The following DCAF8L2 variants were observed in gnomAD, a reference collection of about 807,000 sequenced individuals.
DCAF8L2 encodes the protein DDB1- and CUL4-associated factor 8-like protein 2.
For missense variants in DCAF8L2, 430 were observed against 490.7 expected (o/e 0.88, Z 1.17); for synonymous variants, 200 against 190.9 (o/e 1.05, Z -0.39).
At chrX:27,646,802 GA>G (rs1928957656) in intron 2 of DCAF8L2, among the ~76,000 whole-genome samples, 1 of 111,288 alleles carries the variant, frequency 9.0e-6, no homozygotes, top group Non-Finnish European at 1.9e-5. Flanking sequence ...CAACAAACAT[GA>G]AAAAAAGCTC....
At chrX:27,530,759 TTGAGG>T in the DCAF8L2 span, among the ~76,000 whole-genome samples, 2 of 112,018 alleles carry the variant, frequency 1.8e-5, no homozygotes, top group Non-Finnish European at 3.8e-5. Flanking sequence ...ACTCATTGAA[TTGAGG>T]TACGGTCATA....
intron 3 of DCAF8L2, among the ~76,000 whole-genome samples, chrX:27,705,671 T>C (rs889437335): frequency 8.9e-6 from 1 of 111,919 alleles, no homozygotes; most frequent in Non-Finnish European, 1.9e-5. Context: ...AAGTCCCTTA[T>C]AGATGCTGGA....
At position 27,748,228 on chromosome X, in the gene DCAF8L2, G is replaced by T; in HGVS notation, c.1333G>T (p.Asp445Tyr). 1 of 1,211,832 alleles carries T rather than the reference G, an allele frequency of 8.3e-7. No homozygotes were observed. Among genetic ancestry groups the T allele is most frequent in the Non-Finnish European group, 1.1e-6 (1 of 895,439 alleles). Residue 445 changes from aspartate to tyrosine, a missense_variant, in exon 5 of 5, where the codon GAT becomes TAT. Transcript: ENST00000451261. ...TELLASYNDDDIYLFNSSHSD... is the reference protein window; with the variant it reads ...TELLASYNDDYIYLFNSSHSD... ...GCTGCTAGCCAGCTACAATGATGAC[G>T]ATATTTACCTCTTCAACTCCTCTCA... is the stretch of plus-strand genomic sequence containing the variant.
At chrX:27,582,984 C>T in the DCAF8L2 span, among the ~76,000 whole-genome samples, 1 of 111,642 alleles carries the variant, frequency 9.0e-6, no homozygotes, top group Admixed American at 9.5e-5. Context: ...TTCTGTTTCT[C>T]ATCAAACTTC....
At chrX:27,635,830 T>TGTGTGTGTGTGA (rs1272411393) in intron 2 of DCAF8L2, among the ~76,000 whole-genome samples, 1 of 98,740 alleles carries the variant, frequency 1.0e-5, no homozygotes, top group Admixed American at 1.1e-4. Flanking sequence ...TGTGTGTGTG[T>TGTGTGTGTGTGA]GATGGAGTTT....
intron 1 of DCAF8L2, among the ~76,000 whole-genome samples, chrX:27,606,174 G>A (rs73530606): frequency 0.027 from 2,651 of 98,539 alleles, 109 homozygotes; most frequent in African/African-American, 0.096. Flanking sequence ...TGTGGAAGGC[G>A]GACCTTGAGA....
chrX:27,597,607 C>G (rs939416821), intron 1 of DCAF8L2, among the ~76,000 whole-genome samples: 11 of 111,765 alleles, frequency 9.8e-5, no homozygotes, highest in Non-Finnish European at 2.1e-4. Flanking sequence ...GTTTTCTCCT[C>G]CCATTTTCAT....
chrX:27,500,208 T>G, the DCAF8L2 span, among the ~76,000 whole-genome samples: 1 of 111,761 alleles, frequency 8.9e-6, no homozygotes. Context: ...TTAATTAAAA[T>G]AGTGTAATCC....
chrX:27,537,629 G>A, the DCAF8L2 span, among the ~76,000 whole-genome samples: 1 of 112,277 alleles, frequency 8.9e-6, no homozygotes, highest in Non-Finnish European at 1.9e-5. Context: ...TGTGGTAAAT[G>A]CACTGATGAA....
the DCAF8L2 span, among the ~76,000 whole-genome samples, chrX:27,479,850 C>T: frequency 8.9e-6 from 1 of 112,154 alleles, no homozygotes; most frequent in South Asian, 3.7e-4. Flanking sequence ...CTTGTGAAAA[C>T]AAAAATACAC....
chrX:27,502,333 AAAATATATATATATATATATATATATAT>A, the DCAF8L2 span, among the ~76,000 whole-genome samples: 1,712 of 23,342 alleles, frequency 0.073, 63 homozygotes, highest in South Asian at 0.14. Context: ...AAAAAAAAAA[AAAATATATATATATATATATATATATAT>A]ATATATATAT....
chrX:27,475,200 A>T, the DCAF8L2 span, among the ~76,000 whole-genome samples: 1 of 111,320 alleles, frequency 9.0e-6, no homozygotes, highest in African/African-American at 3.3e-5. Flanking sequence ...GGACACTAGG[A>T]TTATGTCACT....
At chrX:27,512,339 T>G in the DCAF8L2 span, among the ~76,000 whole-genome samples, 119 of 110,575 alleles carry the variant, frequency 1.1e-3, 1 homozygote, top group African/African-American at 3.8e-3. Flanking sequence ...ATTGGAAGAA[T>G]TAATATTATT....
At chrX:27,528,527 T>C in the DCAF8L2 span, among the ~76,000 whole-genome samples, 1 of 106,031 alleles carries the variant, frequency 9.4e-6, no homozygotes, top group African/African-American at 3.4e-5. Context: ...TACACATATA[T>C]GTTTATGTAT....
upstream of DCAF8L2, among the ~76,000 whole-genome samples, chrX:27,586,932 TTGG>T (rs1212673035): frequency 9.0e-6 from 1 of 111,304 alleles, no homozygotes; most frequent in Non-Finnish European, 1.9e-5. Context: ...TCTTGAGCTT[TTGG>T]AAATATCATT....
intron 1 of DCAF8L2, among the ~76,000 whole-genome samples, chrX:27,619,028 T>TATCTATC (rs1569162087): frequency 9.1e-6 from 1 of 109,644 alleles, no homozygotes; most frequent in African/African-American, 3.3e-5. Context: ...TCTATCTATC[T>TATCTATC]ATCTATCTAT....
chrX:27,501,465 A>G, the DCAF8L2 span, among the ~76,000 whole-genome samples: 1 of 111,262 alleles, frequency 9.0e-6, no homozygotes, highest in African/African-American at 3.3e-5. Context: ...TGTTTCCATT[A>G]TATATTCCAT....
intron 1 of DCAF8L2, among the ~76,000 whole-genome samples, chrX:27,594,904 G>A (rs1926281907): frequency 9.0e-6 from 1 of 111,676 alleles, no homozygotes; most frequent in Non-Finnish European, 1.9e-5. Context: ...TTTTTTATAT[G>A]TACTTAAAAT....
chrX:27,654,839 T>C (rs1383942879), intron 2 of DCAF8L2, among the ~76,000 whole-genome samples: 2 of 112,215 alleles, frequency 1.8e-5, no homozygotes, highest in African/African-American at 6.5e-5. Flanking sequence ...ATTATTTTTC[T>C]ATCTAAAATG....
Sources: allele counts gnomAD v4.1 joint callset (sites outside exome capture counted in the v4.1 genomes callset), GRCh38; gene constraint gnomAD v4.1.1; transcripts MANE v1.5; gene names NCBI Gene and HGNC (gene_info 2026-07-23, HGNC 2026-07-21).